PADI6: variants seen among roughly 807,000 people sequenced by gnomAD.
PADI6 encodes inactive protein-arginine deiminase type-6.
PADI6 carries 66 observed loss-of-function variants against 78.2 expected under a neutral mutation model. That is an observed-to-expected ratio of 0.84 (90% confidence interval 0.69 to 1.04). The LOEUF (loss-of-function observed/expected upper bound fraction) is 1.04. Among genes scored for constraint, PADI6 ranks in the 50% least tolerant of loss-of-function variants. The pLI is 0.00. For synonymous variants in PADI6, 397 were observed against 346.9 expected, an observed-to-expected ratio of 1.14 and a Z score of -1.60; for missense variants, 854 against 866.1, an observed-to-expected ratio of 0.99 and a Z score of 0.18.
At chr1:17,384,255 A>AAG (rs1164621108) in intron 6 of PADI6, among the ~76,000 whole-genome samples, 1 of 152,160 alleles carries the variant, frequency 6.6e-6, no homozygotes, top group Non-Finnish European at 1.5e-5. Flanking sequence ...GATACAGCAA[A>AAG]AGAGTCTGAA....
intron 12 of PADI6, among the ~76,000 whole-genome samples, 158 bp downstream of exon 12, chr1:17,395,265 G>A (rs970882157): frequency 2.0e-5 from 3 of 150,670 alleles, no homozygotes; most frequent in Non-Finnish European, 2.9e-5. Flanking sequence ...GTGCAGTGGC[G>A]TGATCTCCGC....
Position 17,372,245 on chromosome 1 carries a change from G to A in PADI6, c.-1G>A. The A allele has an allele frequency of 1.9e-6, 3 of 1,613,784 alleles. No individual in the cohort carries two copies. The highest frequency in any genetic ancestry group is 2.5e-6 in the Non-Finnish European group (3 of 1,179,702). On this transcript the variant is annotated 5_prime_UTR_variant, in exon 1 of 16. Transcript: ENST00000619609. The stretch of plus-strand genomic sequence containing the variant: ...GTGAGGGCTGCGGTGCAGGCCTGAG[G>A]ATGGTCAGCGTGGAGGGCCGAGCCA...
rs1426928836 is a variant in PADI6, at chr1:17,388,766, T to A, written c.859-11T>A. The A allele has an allele frequency of 7.4e-6, 12 of 1,611,604 alleles. No individual in the cohort carries two copies. Among genetic ancestry groups the A allele is most frequent in the Non-Finnish European group, 1.0e-5 (12 of 1,178,796 alleles). On this transcript the variant is annotated splice_polypyrimidine_tract_variant and intron_variant, in intron 7 of 15. Transcript: ENST00000619609. ...GAAGCAGGTTGCTAACAGGACCTTG[T>A]CTTGTTGCAGTCAATTCCAGAGACT...
At chr1:17,384,753 G>A (rs1050007787) in intron 6 of PADI6, among the ~76,000 whole-genome samples, 3 of 152,302 alleles carry the variant, frequency 2.0e-5, no homozygotes, top group East Asian at 1.9e-4. Context: ...CAAATGCTGT[G>A]GGATAGACTA....
chr1:17,401,523 G>A lies in PADI6; in HGVS notation c.*85G>A, dbSNP rs527870899. ...ACAGCATGATTCTTTGCCCAGTAGA[G>A]GAGGCTGGAGAGTCCAGGCAACAGA... On this transcript the variant is annotated 3_prime_UTR_variant, in exon 16 of 16. Coordinates refer to ENST00000619609, the MANE Select transcript of PADI6 (RefSeq NM_207421.4). The A allele has an allele frequency of 1.6e-6, 2 of 1,256,798 alleles. No individual in the cohort carries two copies. The highest frequency in any genetic ancestry group is 2.2e-6 in the Non-Finnish European group (2 of 896,156). The allele number at this position is 1,256,798 out of a possible 1,614,324, so 77.9% of individuals were successfully genotyped here.
Position 17,387,717 on chromosome 1 carries a change from C to T in PADI6, c.680-664C>T, listed in dbSNP as rs542266192. On this transcript the variant is annotated intron_variant, in intron 6 of 15. Coordinates refer to ENST00000619609, the MANE Select transcript of PADI6 (RefSeq NM_207421.4). ...AGTGAGCTGAGATCACGCCACTACACTCCAGCCTGGGCGACAGAGCAAGAC... is the reference window on the plus strand; with the variant it reads ...AGTGAGCTGAGATCACGCCACTACATTCCAGCCTGGGCGACAGAGCAAGAC... 8.8e-4 allele frequency among the ~76,000 whole-genome samples: 134 copies of T among 152,316 alleles called. 1 individual carries two copies. The highest frequency in any genetic ancestry group is 8.5e-3 in the South Asian group (41 of 4,826).
intron 15 of PADI6, among the ~76,000 whole-genome samples, chr1:17,399,735 AAAG>A (rs530343334): frequency 2.6e-3 from 396 of 150,272 alleles, no homozygotes; most frequent in African/African-American, 9.3e-3. Context: ...ACTTTAAAAA[AAAG>A]AAAAAAAAAA....
At chr1:17,374,652 G>A (rs1055357254) in intron 2 of PADI6, among the ~76,000 whole-genome samples, 1 of 152,114 alleles carries the variant, frequency 6.6e-6, no homozygotes, top group African/African-American at 2.4e-5. Context: ...AGATAAGAAT[G>A]GAGGCCACGG....
intron 14 of PADI6, among the ~76,000 whole-genome samples, chr1:17,397,906 G>A (rs2100326641): frequency 6.6e-6 from 1 of 152,252 alleles, no homozygotes; most frequent in African/African-American, 2.4e-5. Flanking sequence ...CCGAGAAGCT[G>A]AGTATCAGAC....
chr1:17,383,765 G>A (rs553296699), intron 6 of PADI6, among the ~76,000 whole-genome samples: 134 of 152,258 alleles, frequency 8.8e-4, no homozygotes, highest in Non-Finnish European at 1.5e-3. Context: ...GCTTGAACCC[G>A]AAAGGCAGAG....
intron 5 of PADI6, among the ~76,000 whole-genome samples, chr1:17,381,674 T>C (rs1470264596): frequency 1.3e-5 from 2 of 152,038 alleles, no homozygotes; most frequent in African/African-American, 4.8e-5. Flanking sequence ...GAAACAAGAC[T>C]GGAAACAAGG....
chr1:17,394,317 C>T lies in PADI6; in HGVS notation c.1200C>T (p.Tyr400=), dbSNP rs532914694. The part of the protein sequence containing the change: ...MKYSLSPGIG[Y]MIQDTEDHKV... ...TCCCCCAGAGCCCTGGTATTGGCTACATGATCCAGGACACTGAGGACCATA... is the reference window on the plus strand; with the variant it reads ...TCCCCCAGAGCCCTGGTATTGGCTATATGATCCAGGACACTGAGGACCATA... The change falls in exon 11 of 16, where the codon TAC becomes TAT. Residue 400 remains tyrosine, a synonymous_variant. Transcript: ENST00000619609. The T allele has an allele frequency of 6.2e-7, 1 of 1,613,546 alleles. No individual in the cohort carries two copies. The highest frequency in any genetic ancestry group is 8.5e-7 in the Non-Finnish European group (1 of 1,179,624).
At chr1:17,396,468 C>G (rs1169457873) in intron 13 of PADI6, among the ~76,000 whole-genome samples, 2 of 152,188 alleles carry the variant, frequency 1.3e-5, no homozygotes, top group African/African-American at 4.8e-5. Context: ...AAAGTGTTAT[C>G]TGAGGGCCAG....
At position 17,401,517 on chromosome 1, in the gene PADI6, A is replaced by G; in HGVS notation, c.*79A>G. 7.6e-7 allele frequency: 1 copy of G among 1,313,608 alleles called. No individual in the cohort carries two copies. Among genetic ancestry groups the G allele is most frequent in the Non-Finnish European group, 1.1e-6 (1 of 939,706 alleles). The allele number at this position is 1,313,608 out of a possible 1,614,324, so 81.4% of individuals were successfully genotyped here. On this transcript the variant is annotated 3_prime_UTR_variant, in exon 16 of 16. Coordinates refer to ENST00000619609, the MANE Select transcript of PADI6 (RefSeq NM_207421.4). ...CATGCAACAGCATGATTCTTTGCCC[A>G]GTAGAGGAGGCTGGAGAGTCCAGGC...
At chr1:17,383,923 C>T (rs781254246) in intron 6 of PADI6, among the ~76,000 whole-genome samples, 6 of 140,980 alleles carry the variant, frequency 4.3e-5, no homozygotes, top group South Asian at 4.7e-4. Context: ...CCAAGGCAGG[C>T]GGATCACCTG....
At position 17,382,077 on chromosome 1, in the gene PADI6, G is replaced by A. The variant is rs755169325; in HGVS notation, c.664G>A (p.Val222Ile). The change falls in exon 6 of 16, where the codon GTC becomes ATC. Residue 222 changes from valine (V) to isoleucine (I), a missense_variant. Physicochemically the swap from Val to Ile is conservative, Grantham distance 29 (BLOSUM62 3). Transcript: ENST00000619609. ...TSKEESKKARVYWPQKDNSST... is the reference protein window; with the variant it reads ...TSKEESKKARIYWPQKDNSST... The stretch of plus-strand genomic sequence containing the variant: ...CAAGGAAGAGTCGAAGAAGGCGAGA[G>A]TCTACTGGCCCCAAAGTGAGTGTTC... The A allele has an allele frequency of 1.1e-5, 18 of 1,613,820 alleles. No homozygotes were observed. The highest frequency in any genetic ancestry group is 1.4e-5 in the Non-Finnish European group (16 of 1,179,846).
chr1:17,386,463 C>T lies in PADI6; in HGVS notation c.680-1918C>T, dbSNP rs2526843. On this transcript the variant is annotated intron_variant, in intron 6 of 15. Coordinates refer to ENST00000619609, the MANE Select transcript of PADI6 (RefSeq NM_207421.4). ...AATGGCCACAGGGAGCCCAGGTCCC[C>T]AGAACAGGAGCAGGCCCTAGGTGTG... 9.0e-4 allele frequency among the ~76,000 whole-genome samples: 137 copies of T among 152,344 alleles called. 2 individuals carry two copies. The highest frequency in any genetic ancestry group is 3.1e-3 in the African/African-American group (130 of 41,594).
At position 17,397,161 on chromosome 1, in the gene PADI6, G is replaced by A; in HGVS notation, c.1689+20G>A. 6.2e-7 allele frequency: 1 copy of A among 1,612,926 alleles called. No individual in the cohort carries two copies. Among genetic ancestry groups the A allele is most frequent in the Admixed American group, 1.7e-5 (1 of 59,936 alleles). On this transcript the variant is annotated intron_variant, in intron 14 of 15. Transcript: ENST00000619609. ...GTGGAGGTAGGACCAGTGTGAAGGG[G>A]GCCATCCCCAAGAAAGAGCTGGTGC...
chr1:17,394,598 G>T (rs4920602), intron 11 of PADI6, 144 bp downstream of exon 11: 2 of 895,004 alleles, frequency 2.2e-6, no homozygotes, highest in Non-Finnish European at 3.3e-6. Flanking sequence ...TTTGATTCAC[G>T]TGGGAGACTA....
Sources: allele counts gnomAD v4.1 joint callset (sites outside exome capture counted in the v4.1 genomes callset), GRCh38; gene constraint gnomAD v4.1.1; transcripts MANE v1.5; gene names NCBI Gene and HGNC (gene_info 2026-07-23, HGNC 2026-07-21).